SYNJ2: variants seen among roughly 807,000 people sequenced by gnomAD.
SYNJ2 encodes the protein polyphosphatidylinositol phosphatase SYNJ2.
In SYNJ2, 116 loss-of-function variants were observed where a neutral mutation model predicts 141.3. The observed-to-expected ratio is 0.82, with a 90% CI of 0.71 to 0.96. The LOEUF (loss-of-function observed/expected upper bound fraction) is 0.96, where lower values mean the gene tolerates loss of function less well. Ranked by LOEUF, SYNJ2 falls within the 40% of genes least tolerant of loss-of-function variation. The pLI, the probability that SYNJ2 is intolerant of heterozygous loss-of-function variation, is 0.00. For missense variants in SYNJ2, 1,873 were observed against 1,934.8 expected (o/e 0.97, Z 0.60); for synonymous variants, 745 against 777.7 (o/e 0.96, Z 0.70).
intron 11 of SYNJ2, among the ~76,000 whole-genome samples, chr6:158,065,829 A>C (rs1391736767): frequency 6.6e-6 from 1 of 152,250 alleles, no homozygotes; most frequent in Non-Finnish European, 1.5e-5. Flanking sequence ...TTTAATAGCA[A>C]GGCAGACATG....
chr6:158,024,782 T>G (rs781403272), intron 2 of SYNJ2, among the ~76,000 whole-genome samples: 4 of 151,980 alleles, frequency 2.6e-5, no homozygotes, highest in Admixed American at 6.6e-5. Flanking sequence ...GAAATATGAG[T>G]GAAAGTTCCA....
At chr6:158,029,103 C>T (rs1779222600) in intron 3 of SYNJ2, 77 bp downstream of exon 3, 2 of 832,890 alleles carry the variant, frequency 2.4e-6, no homozygotes, top group Non-Finnish European at 3.1e-6. Context: ...CATCTGAGGC[C>T]TTGACCTCCA....
At chr6:158,083,619 G>C (rs368517567) in intron 21 of SYNJ2, 22 bp downstream of exon 21, 36 of 1,613,194 alleles carry the variant, frequency 2.2e-5, no homozygotes, top group Admixed American at 6.7e-5. Context: ...TGCAGGGAGG[G>C]ACAGGCAAGC....
In SYNJ2 at chr6:158,043,199, C is replaced by T. The variant is rs542753853; in HGVS notation, c.712-117C>T. On this transcript the variant is annotated intron_variant, in intron 4 of 26. Coordinates refer to ENST00000355585, the MANE Select transcript of SYNJ2 (RefSeq NM_003898.4). This position sits in a 1 kb window ranked among gnomAD's most constrained non-coding sequence, Gnocchi z 4.0. ...GGGAGCAGAGGACGCCGGAGTCCAC[C>T]GTCCGCCCTTCATTCTGGCTGGTGT... is the stretch of plus-strand genomic sequence containing the variant. 3.7e-5 allele frequency: 31 copies of T among 829,600 alleles called. No individual in the cohort carries two copies. The African/African-American group carries it at 4.2e-4, about 11-fold the overall frequency. 51.4% of individuals were successfully genotyped at this position (829,600 alleles called of 1,614,324 possible). A position where few individuals can be genotyped will look rare whatever the true frequency, so the allele number is the denominator to read the frequency against.
At chr6:158,041,039 C>T (rs535943288) in intron 4 of SYNJ2, among the ~76,000 whole-genome samples, 73 of 152,338 alleles carry the variant, frequency 4.8e-4, no homozygotes, top group Middle Eastern at 3.4e-3. Flanking sequence ...AAAACAGCTT[C>T]GTTTTTTGAG....
chr6:158,056,786 G>C (rs1048092370), intron 6 of SYNJ2, among the ~76,000 whole-genome samples: 1 of 152,148 alleles, frequency 6.6e-6, no homozygotes. Context: ...TCTTTCCCCC[G>C]CAAAACCTTC....
rs748033756 is a variant in SYNJ2, at chr6:158,088,643, C to T, written c.3344-17C>T. 2 of 1,603,110 alleles carry T rather than the reference C, an allele frequency of 1.2e-6. No individual in the cohort carries two copies. The highest frequency in any genetic ancestry group is 1.7e-6 in the Non-Finnish European group (2 of 1,170,390). ...CCTTCACTGAGATTGAGACTCTGCC[C>T]TCGTTGGTTTTTACAGCCGGTTTAA... On this transcript the variant is annotated splice_polypyrimidine_tract_variant and intron_variant, in intron 23 of 26. Coordinates refer to ENST00000355585, the MANE Select transcript of SYNJ2 (RefSeq NM_003898.4).
intron 13 of SYNJ2, among the ~76,000 whole-genome samples, chr6:158,068,965 T>C (rs1339957565): frequency 6.6e-6 from 1 of 152,178 alleles, no homozygotes; most frequent in African/African-American, 2.4e-5. Context: ...GTGTTTTCTT[T>C]GCAGTGCTCT....
chr6:158,075,824 C>T (rs1744178), intron 16 of SYNJ2, among the ~76,000 whole-genome samples: 40,284 of 152,094 alleles, frequency 0.26, 5,662 homozygotes, highest in Middle Eastern at 0.44. Flanking sequence ...CTTCCTACTA[C>T]CAACATTCTC....
Position 158,084,238 on chromosome 6 carries a change from T to G in SYNJ2, c.3208+64T>G. On this transcript the variant is annotated intron_variant, in intron 22 of 26. Transcript: ENST00000355585. This position sits in a 1 kb window ranked among gnomAD's most constrained non-coding sequence, Gnocchi z 5.0. Reference sequence around the variant, plus strand: ...GAGTCAGCTCAGGACAGACTTTCCTTTTTCTCTTGGCGATTGGGCACTGTG... The same window carrying G: ...GAGTCAGCTCAGGACAGACTTTCCTGTTTCTCTTGGCGATTGGGCACTGTG... 1 of 1,546,282 alleles carries G rather than the reference T, an allele frequency of 6.5e-7. No individual in the cohort carries two copies. The highest frequency in any genetic ancestry group is 8.7e-7 in the Non-Finnish European group (1 of 1,144,898).
chr6:158,094,241 T>C, intron 26 of SYNJ2: 1 of 445,324 alleles, frequency 2.2e-6, no homozygotes, highest in Non-Finnish European at 4.0e-6. Context: ...GTTCAGATGC[T>C]CCTCGACTTA....
intron 12 of SYNJ2, among the ~76,000 whole-genome samples, chr6:158,068,202 G>T (rs1355926537): frequency 1.3e-5 from 2 of 151,554 alleles, no homozygotes; most frequent in Non-Finnish European, 2.9e-5. Flanking sequence ...TGCCCATTGT[G>T]GTCAACAGAG....
At chr6:158,021,422 A>G (rs541870693) in intron 2 of SYNJ2, among the ~76,000 whole-genome samples, 3 of 152,354 alleles carry the variant, frequency 2.0e-5, no homozygotes, top group South Asian at 2.1e-4. Context: ...CATGGTAGCC[A>G]TGAAGAGTGT....
chr6:157,983,298 A>C (rs1777080897), intron 1 of SYNJ2, among the ~76,000 whole-genome samples: 1 of 152,254 alleles, frequency 6.6e-6, no homozygotes, highest in Non-Finnish European at 1.5e-5. Flanking sequence ...CAGTAGTCTC[A>C]GCATCAAAAG....
chr6:158,081,536 G>GA, intron 20 of SYNJ2, 26 bp downstream of exon 20: 1 of 1,601,746 alleles, frequency 6.2e-7, no homozygotes, highest in Non-Finnish European at 8.5e-7. Context: ...CCACACTGTG[G>GA]AGTGGGGTCT....
In SYNJ2 at chr6:158,088,714, A is replaced by G; in HGVS notation, c.3398A>G (p.His1133Arg). ...ASDASISSGT[H>R]GQYSILQTAR... ...GATGCGTCCATCTCCTCCGGCACCC[A>G]TGGACAGTATTCAATTTTGCAGACG... The change falls in exon 24 of 27, where the codon CAT (histidine) becomes CGT (arginine). Residue 1133 changes from histidine (H) to arginine (R), a missense_variant. By Grantham distance (29) the His-to-Arg change is conservative. Transcript: ENST00000355585. The G allele has an allele frequency of 6.2e-7, 1 of 1,614,096 alleles. No homozygotes were observed. Among genetic ancestry groups the G allele is most frequent in the Non-Finnish European group, 8.5e-7 (1 of 1,180,010 alleles).
chr6:157,998,432 C>T (rs1777715337), intron 1 of SYNJ2, among the ~76,000 whole-genome samples: 1 of 152,226 alleles, frequency 6.6e-6, no homozygotes. Flanking sequence ...TTACCATGAG[C>T]AATGTTGTCT....
At chr6:158,086,808 C>T (rs1744170) in intron 22 of SYNJ2, 47 bp from the exon 23 acceptor site, 167,158 of 1,596,328 alleles carry the variant, frequency 0.1, 9,454 homozygotes, top group African/African-American at 0.18. Context: ...CTGACACGCT[C>T]ACGTGTGGAA....
At chr6:158,000,997 G>A (rs1196980834) in intron 1 of SYNJ2, 3 of 152,430 alleles carry the variant, frequency 2.0e-5, no homozygotes, top group Non-Finnish European at 2.9e-5. Flanking sequence ...CCCCTCCTCT[G>A]TCCCTGTCTG....
Sources: gnomAD v4.1 joint callset for allele counts (sites outside exome capture counted in the v4.1 genomes callset) on GRCh38, gnomAD v4.1.1 for gene constraint, Gnocchi (gnomAD v3.1) non-coding constraint, MANE v1.5 for transcripts, NCBI Gene and HGNC (gene_info 2026-07-23, HGNC 2026-07-21) for gene names.